CSMD2: variants seen among roughly 807,000 people sequenced by gnomAD.
CSMD2 encodes CUB and Sushi multiple domains 2.
In CSMD2, 130 loss-of-function variants were observed where a neutral mutation model predicts 398.5. The ratio of observed to expected loss-of-function variants is 0.33; its 90% CI spans 0.28 to 0.38. The LOEUF (loss-of-function observed/expected upper bound fraction) is 0.38, where lower values mean the gene tolerates loss of function less well. CSMD2 is among the 10% of genes least tolerant of loss of function. CSMD2 has a pLI of 1.00. For missense variants in CSMD2, 3,829 were observed against 4,764.9 expected (o/e 0.80, Z 5.78); for synonymous variants, 1,828 against 1,908.5 (o/e 0.96, Z 1.10).
intron 22 of CSMD2, among the ~76,000 whole-genome samples, chr1:33,705,353 C>T (rs887835569): frequency 1.3e-5 from 2 of 152,076 alleles, no homozygotes; most frequent in African/African-American, 4.8e-5. Flanking sequence ...GAAAAAGAAA[C>T]CCTTAATTCT....
chr1:33,830,862 G>A (rs1260505892), intron 6 of CSMD2, among the ~76,000 whole-genome samples: 10 of 152,318 alleles, frequency 6.6e-5, no homozygotes, highest in Non-Finnish European at 1.3e-4. Context: ...TACGTGAAGA[G>A]TGCAGAAGCC....
At chr1:33,712,746 CA>C (rs1646034674) in intron 21 of CSMD2, among the ~76,000 whole-genome samples, 1 of 152,138 alleles carries the variant, frequency 6.6e-6, no homozygotes, top group Admixed American at 6.5e-5. Context: ...GATGCTTTCC[CA>C]GAGACTAAAG....
intron 1 of CSMD2, among the ~76,000 whole-genome samples, chr1:34,134,951 G>T (rs1426936904): frequency 6.6e-6 from 1 of 152,138 alleles, no homozygotes; most frequent in African/African-American, 2.4e-5. Context: ...CAGCACATCA[G>T]CATCACCGGA....
At chr1:33,698,196 T>C (rs889012054) in intron 24 of CSMD2, among the ~76,000 whole-genome samples, 25 of 152,378 alleles carry the variant, frequency 1.6e-4, no homozygotes, top group Admixed American at 1.6e-3. Context: ...GAACCTCTGA[T>C]GACATTCTGG....
chr1:33,929,399 T>C (rs1644237131), intron 4 of CSMD2, among the ~76,000 whole-genome samples: 1 of 150,272 alleles, frequency 6.7e-6, no homozygotes, highest in East Asian at 2.0e-4. Context: ...AACTCTCCCC[T>C]GGTTGCCTCC....
chr1:33,629,080 A>T (rs1261728563), intron 32 of CSMD2, among the ~76,000 whole-genome samples: 3 of 151,170 alleles, frequency 2.0e-5, no homozygotes, highest in Non-Finnish European at 4.4e-5. Context: ...AAAAAAAAAC[A>T]AAACCCAAAA....
At chr1:34,048,152 T>C (rs1217229546) in intron 2 of CSMD2, among the ~76,000 whole-genome samples, 1 of 152,254 alleles carries the variant, frequency 6.6e-6, no homozygotes, top group Non-Finnish European at 1.5e-5. Context: ...TCCAGAAGCC[T>C]GCCTCCCACT....
At chr1:33,981,537 T>C (rs1384787584) in intron 3 of CSMD2, among the ~76,000 whole-genome samples, 36 of 152,216 alleles carry the variant, frequency 2.4e-4, no homozygotes, top group Admixed American at 2.4e-3. Context: ...CATTTGATCG[T>C]CATAACAACC....
chr1:33,647,448 A>C (rs1205398564), intron 28 of CSMD2, among the ~76,000 whole-genome samples: 2 of 152,208 alleles, frequency 1.3e-5, no homozygotes, highest in Non-Finnish European at 2.9e-5. Context: ...AGTTGAGCAA[A>C]TTGAATATTA....
intron 5 of CSMD2, among the ~76,000 whole-genome samples, chr1:33,906,362 T>A (rs1412900791): frequency 6.6e-6 from 1 of 152,208 alleles, no homozygotes; most frequent in Non-Finnish European, 1.5e-5. Context: ...GCATGTCAGA[T>A]CTGCATTTTA....
intron 10 of CSMD2, among the ~76,000 whole-genome samples, chr1:33,793,588 A>G (rs770734847): frequency 6.6e-6 from 1 of 152,168 alleles, no homozygotes; most frequent in Non-Finnish European, 1.5e-5. Flanking sequence ...CAAAATTAGA[A>G]TTTATGCCAG....
intron 55 of CSMD2, among the ~76,000 whole-genome samples, chr1:33,552,898 T>A (rs1417066439): frequency 2.0e-5 from 3 of 152,194 alleles, no homozygotes; most frequent in Non-Finnish European, 4.4e-5. Context: ...CTGAATTGTA[T>A]ACATTAAAAG....
intron 67 of CSMD2, among the ~76,000 whole-genome samples, chr1:33,522,170 G>A (rs1441111540): frequency 6.6e-6 from 1 of 152,168 alleles, no homozygotes; most frequent in Non-Finnish European, 1.5e-5. Flanking sequence ...ATGCTGTGAG[G>A]ATGCCTGTGC....
rs145615041 is a variant in CSMD2, at chr1:33,557,268, T to G, written c.8743+466A>C. On this transcript the variant is annotated intron_variant, in intron 55 of 70. Transcript: ENST00000373381. The stretch of plus-strand genomic sequence containing the variant: ...TGAATTTTTCCCAAACCACACTACT[T>G]GTTCAGTAGCAAAGCCAGAATTCCA... Among the ~76,000 whole-genome samples the G allele has an allele frequency of 2.4e-4, 36 of 152,266 alleles. No homozygotes were observed. In the East Asian group the frequency reaches 7.0e-3, roughly 29 times the overall value.
intron 64 of CSMD2, 103 bp downstream of exon 64, chr1:33,532,947 T>G: frequency 8.9e-7 from 1 of 1,118,758 alleles, no homozygotes; most frequent in Non-Finnish European, 1.2e-6. Context: ...TCCAGCTCCT[T>G]GAAACGCAAT....
intron 40 of CSMD2, among the ~76,000 whole-genome samples, chr1:33,612,273 A>G (rs1641058986): frequency 6.6e-6 from 1 of 152,238 alleles, no homozygotes; most frequent in South Asian, 2.1e-4. Flanking sequence ...AGCTCAGAAT[A>G]AGCACGAGTA....
intron 53 of CSMD2, among the ~76,000 whole-genome samples, chr1:33,561,832 G>A (rs1302225147): frequency 6.6e-6 from 1 of 152,174 alleles, no homozygotes; most frequent in Non-Finnish European, 1.5e-5. Flanking sequence ...GTAAACCCCT[G>A]AAATTATATG....
In CSMD2 at chr1:33,533,369, A is replaced by C; in HGVS notation, c.9992-140T>G. On this transcript the variant is annotated intron_variant, in intron 63 of 70. Coordinates refer to ENST00000373381, the MANE Select transcript of CSMD2 (RefSeq NM_001281956.2). The surrounding 1 kb of genome is among the most constrained non-coding windows in gnomAD (Gnocchi z 4.2). ...TTCATGCCAAGCATCCCCCTCCCTA[A>C]TCCTCCACCCTAACCCAAGCTCTGT... The C allele has an allele frequency of 1.3e-6, 1 of 760,064 alleles. No homozygotes were observed. The highest frequency in any genetic ancestry group is 2.1e-6 in the Non-Finnish European group (1 of 468,996). The allele number at this position is 760,064 out of a possible 1,614,324, so 47.1% of individuals were successfully genotyped here.
At chr1:33,930,727 C>A (rs752127087) in intron 4 of CSMD2, among the ~76,000 whole-genome samples, 4 of 152,224 alleles carry the variant, frequency 2.6e-5, no homozygotes, top group African/African-American at 9.6e-5. Context: ...AAGCTCAGCA[C>A]CTCCCAGGGA....
Sources: allele counts gnomAD v4.1 joint callset (sites outside exome capture counted in the v4.1 genomes callset), GRCh38; gene constraint gnomAD v4.1.1; non-coding constraint Gnocchi (gnomAD v3.1); transcripts MANE v1.5; gene names NCBI Gene and HGNC (gene_info 2026-07-23, HGNC 2026-07-21).